SPAG5: variants seen among roughly 807,000 people sequenced by gnomAD.
The protein encoded by SPAG5 is sperm-associated antigen 5.
Under a neutral mutation model 145.4 loss-of-function variants are expected in SPAG5, and 99 were observed. The ratio of observed to expected loss-of-function variants is 0.68; its 90% CI spans 0.58 to 0.80. The LOEUF is 0.80. Ranked by LOEUF, SPAG5 falls within the 30% of genes least tolerant of loss-of-function variation. The pLI is 0.00. For missense variants in SPAG5, 1,192 were observed against 1,416.0 expected, an observed-to-expected ratio of 0.84 and a Z score of 2.54; for synonymous variants, 477 against 525.4, an observed-to-expected ratio of 0.91 and a Z score of 1.26.
rs112117689 is a variant in SPAG5 at position 28,589,903 on chromosome 17, A to C, written c.1437+1795T>G. 1.8e-3 allele frequency among the ~76,000 whole-genome samples: 280 copies of C among 152,244 alleles called. 3 individuals are homozygous for C. Among genetic ancestry groups the C allele is most frequent in the African/African-American group, 5.8e-3 (243 of 41,550 alleles). On this transcript the variant is annotated intron_variant, in intron 4 of 23. Transcript: ENST00000321765. Reference sequence around the variant, plus strand: ...CTCTAGCCTGGGTGACAGACCAAGAAACTATCTCAAAAAATAAAAATAAAA... The same window carrying C: ...CTCTAGCCTGGGTGACAGACCAAGACACTATCTCAAAAAATAAAAATAAAA...
chr17:28,586,785 C>A (rs962647275), intron 4 of SPAG5, among the ~76,000 whole-genome samples: 11 of 152,112 alleles, frequency 7.2e-5, no homozygotes, highest in African/African-American at 2.7e-4. Context: ...ACCGACTCGG[C>A]CTCCCAAAGT....
Position 28,592,014 on chromosome 17 carries a change from G to T in SPAG5, c.1230C>A (p.His410Gln), listed in dbSNP as rs1468201160. 3.1e-6 allele frequency: 5 copies of T among 1,614,190 alleles called. No homozygotes were observed. Among genetic ancestry groups the T allele is most frequent in the South Asian group, 2.2e-5 (2 of 91,084 alleles). Residue 410 changes from histidine to glutamine, a missense_variant, in exon 3 of 24, where the codon CAC becomes CAA. Transcript: ENST00000321765. ...TSQTGLVGTK[H>Q]STSETEQLLC... ...GGAGCTGCTCTGTCTCAGAAGTACT[G>T]TGCTTGGTGCCAACCAGGCCTGTCT...
At chr17:28,581,652 T>C (rs1176171187) in intron 15 of SPAG5, among the ~76,000 whole-genome samples, 2 of 151,776 alleles carry the variant, frequency 1.3e-5, no homozygotes, top group East Asian at 3.9e-4. Context: ...CTAGGCTAGG[T>C]CCTCTCTCCA....
rs770641704 is a variant in SPAG5 at position 28,598,565 on chromosome 17, T to TG, written c.121_122insC (p.Lys41ThrfsTer33). Reference sequence around the variant, plus strand: ...CAGCGAGGAGCAAGCGGGGGATCTTTTTCCAGAGTTGGTGAGGGCACCGGG... The same window carrying TG: ...CAGCGAGGAGCAAGCGGGGGATCTTTGTTCCAGAGTTGGTGAGGGCACCGGG... On this transcript the variant is annotated frameshift_variant, in exon 2 of 24. Coordinates refer to ENST00000321765, the MANE Select transcript of SPAG5 (RefSeq NM_006461.4). LOFTEE classifies it high-confidence loss of function. The TG allele has an allele frequency of 6.2e-7, 1 of 1,613,884 alleles. No homozygotes were observed. The highest frequency in any genetic ancestry group is 2.2e-5 in the East Asian group (1 of 44,866).
rs1420531542 is a variant in SPAG5, at chr17:28,579,178, A to C, written c.3080T>G (p.Ile1027Arg). 4 of 1,613,870 alleles carry C rather than the reference A, an allele frequency of 2.5e-6. No individual in the cohort carries two copies. The highest frequency in any genetic ancestry group is 3.4e-6 in the Non-Finnish European group (4 of 1,180,026). ...QEVQKAKEAD[I>R]EKLNQALCLR... Reference sequence around the variant, plus strand: ...GCACAAGGCCTGGTTCAGCTTCTCTATGTCTGCTTCTTTTGCCTTCTGGAC... The same window carrying C: ...GCACAAGGCCTGGTTCAGCTTCTCTCTGTCTGCTTCTTTTGCCTTCTGGAC... Residue 1027 changes from isoleucine to arginine, a missense_variant, in exon 19 of 24, where the codon ATA (isoleucine) becomes AGA (arginine). By Grantham distance (97) the Ile-to-Arg change is moderately conservative. This residue lies in a region of SPAG5 where 709 missense variants were observed against 840.7 expected (regional missense o/e 0.84). Coordinates refer to ENST00000321765, the MANE Select transcript of SPAG5 (RefSeq NM_006461.4).
intron 2 of SPAG5, among the ~76,000 whole-genome samples, chr17:28,597,777 A>G (rs972848987): frequency 3.9e-5 from 6 of 152,372 alleles, no homozygotes; most frequent in Admixed American, 1.3e-4. Flanking sequence ...CTATACAGCT[A>G]TAACAGTAGC....
intron 5 of SPAG5, 105 bp downstream of exon 5, chr17:28,586,320 C>A: frequency 8.1e-7 from 1 of 1,234,880 alleles, no homozygotes; most frequent in South Asian, 1.2e-5. Flanking sequence ...GGAAACCTCC[C>A]TTCACCACCA....
Position 28,584,394 on chromosome 17 carries a change from G to C in SPAG5, c.2248C>G (p.Leu750Val), listed in dbSNP as rs1464104457. The change falls in exon 12 of 24, where the codon CTG (leucine) becomes GTG (valine). Residue 750 changes from leucine to valine, a missense_variant. Coordinates refer to ENST00000321765, the MANE Select transcript of SPAG5 (RefSeq NM_006461.4). ...QSQHTHCAQD[L>V]AMKDELLCQL... ...CAGAGTAACTCATCCTTCATAGCCA[G>C]GTCCTGGGCACAATGGGTATGCTGA... The C allele has an allele frequency of 2.5e-6, 4 of 1,614,198 alleles. No individual in the cohort carries two copies. The highest frequency in any genetic ancestry group is 3.4e-6 in the Non-Finnish European group (4 of 1,180,032).
intron 4 of SPAG5, among the ~76,000 whole-genome samples, chr17:28,588,845 C>A (rs992999073): frequency 6.6e-6 from 1 of 151,970 alleles, no homozygotes; most frequent in Non-Finnish European, 1.5e-5. Flanking sequence ...CCATACCCAG[C>A]TAACTTTTGT....
chr17:28,579,985 C>T (rs1222114269), intron 16 of SPAG5, 24 bp downstream of exon 16: 5 of 1,589,194 alleles, frequency 3.1e-6, no homozygotes, highest in Non-Finnish European at 4.3e-6. Context: ...AACTTTCCCA[C>T]CCCCAAATCC....
chr17:28,594,846 G>A (rs1165839834), intron 2 of SPAG5, among the ~76,000 whole-genome samples: 2 of 152,078 alleles, frequency 1.3e-5, no homozygotes, highest in Admixed American at 1.3e-4. Flanking sequence ...TGTAGTCCCA[G>A]CTATTCAGGA....
In SPAG5 at chr17:28,578,221, G is replaced by A. The variant is rs1356240701; in HGVS notation, c.3426C>T (p.Ser1142=). ...EKEKLMIKFQ[S]HRNILEENLR... ...GGAATGGCATGGACATTCTTACATG[G>A]CTCTGGAACTTGATCATGAGTTTTT... Residue 1142 remains serine (S), a synonymous_variant, in exon 22 of 24, where the codon AGC becomes AGT. Transcript: ENST00000321765. The A allele has an allele frequency of 2.5e-6, 4 of 1,614,098 alleles. No individual in the cohort carries two copies. The African/African-American group carries it at 4.0e-5, about 16-fold the overall frequency.
rs943100052 is a variant in SPAG5 at position 28,578,825 on chromosome 17, A to G, written c.3118-73T>C. 1.5e-5 allele frequency: 19 copies of G among 1,241,726 alleles called. No homozygotes were observed. The African/African-American group carries it at 2.5e-4, about 16-fold the overall frequency. 76.9% of individuals were successfully genotyped at this position (1,241,726 alleles called of 1,614,324 possible). On this transcript the variant is annotated intron_variant, in intron 19 of 23. Transcript: ENST00000321765. Reference sequence around the variant, plus strand: ...CACAGCCCTTGCCAGGAGGTAGGAGAGAGTGCCTGACCCATGCTTAGCCCA... The same window carrying G: ...CACAGCCCTTGCCAGGAGGTAGGAGGGAGTGCCTGACCCATGCTTAGCCCA...
chr17:28,579,430 A>C lies in SPAG5; in HGVS notation c.2940T>G (p.Leu980=). The change falls in exon 18 of 24, where the codon CTT becomes CTG. Residue 980 remains leucine (L), a synonymous_variant. Transcript: ENST00000321765. ...CTTGTAGCAGGGAACAAAGACTCTGAAGCTCAGTAGTCATAATACTCATTT... is the reference window on the plus strand; with the variant it reads ...CTTGTAGCAGGGAACAAAGACTCTGCAGCTCAGTAGTCATAATACTCATTT... The part of the protein sequence containing the change: ...LAEMSIMTTE[L]QSLCSLLQES... 6.2e-7 allele frequency: 1 copy of C among 1,614,070 alleles called. No homozygotes were observed. Among genetic ancestry groups the C allele is most frequent in the Non-Finnish European group, 8.5e-7 (1 of 1,179,956 alleles).
chr17:28,587,717 CAAAAAAAAAAA>C (rs765826333), intron 4 of SPAG5, among the ~76,000 whole-genome samples: 2 of 48,874 alleles, frequency 4.1e-5, no homozygotes, highest in African/African-American at 7.7e-5. Context: ...GACCTCGTCT[CAAAAAAAAAAA>C]AAAAAAAAAA....
chr17:28,592,842 T>C lies in SPAG5; in HGVS notation c.402A>G (p.Pro134=). ...TGTCTTGTTGCTGCCCCAGTGGAGATGGTACAAGGACGATGGTTTTAACCA... is the reference window on the plus strand; with the variant it reads ...TGTCTTGTTGCTGCCCCAGTGGAGACGGTACAAGGACGATGGTTTTAACCA... ...NYMVKTIVLV[P]SPLGQQQDMI... Residue 134 remains proline, a synonymous_variant, in exon 3 of 24, where the codon CCA becomes CCG. Coordinates refer to ENST00000321765, the MANE Select transcript of SPAG5 (RefSeq NM_006461.4). The C allele has an allele frequency of 1.9e-6, 3 of 1,614,230 alleles. No individual in the cohort carries two copies. Among genetic ancestry groups the C allele is most frequent in the South Asian group, 1.1e-5 (1 of 91,086 alleles).
chr17:28,586,528 T>TTTTG (rs544787963), intron 4 of SPAG5, 29 bp from the exon 5 acceptor site: 323 of 1,577,326 alleles, frequency 2.0e-4, no homozygotes, highest in Non-Finnish European at 9.9e-5. Flanking sequence ...TTGTTCCTTG[T>TTTTG]TTTGTTTGTT....
In SPAG5 at chr17:28,582,814, CAT is replaced by C. The variant is rs1369135165; in HGVS notation, c.2685+695_2685+696del. 5.9e-5 allele frequency: 9 copies of C among 152,300 alleles called. No individual in the cohort carries two copies. In the East Asian group the frequency reaches 1.5e-3, roughly 26 times the overall value. The allele number at this position is 152,300 out of a possible 1,614,324, so 9.4% of individuals were successfully genotyped here. A position where few individuals can be genotyped will look rare whatever the true frequency, so the allele number is the denominator to read the frequency against. On this transcript the variant is annotated intron_variant, in intron 15 of 23. Transcript: ENST00000321765. Reference sequence around the variant, plus strand: ...AGGCTATATTTCTGCTTTCTTGAAACATAGTCTGGTTGAAGAGACCAGGTATC... The same window carrying C: ...AGGCTATATTTCTGCTTTCTTGAAACAGTCTGGTTGAAGAGACCAGGTATC...
At chr17:28,579,728 G>A (rs190676705) in intron 17 of SPAG5, 23 bp downstream of exon 17, 2 of 1,606,704 alleles carry the variant, frequency 1.2e-6, no homozygotes, top group East Asian at 4.5e-5. Flanking sequence ...AAATGAGGCA[G>A]GATCCCTGGA....
Sources: allele counts gnomAD v4.1 joint callset (sites outside exome capture counted in the v4.1 genomes callset), GRCh38; gene constraint gnomAD v4.1.1; regional missense constraint gnomAD v4.1.1; transcripts MANE v1.5; gene names NCBI Gene and HGNC (gene_info 2026-07-23, HGNC 2026-07-21).